Variants in ABCB1 observed in about 807,000 individuals in gnomAD.
The protein encoded by ABCB1 is ATP binding cassette subfamily B member 1, also known as ATP-dependent translocase ABCB1.
ABCB1 carries 69 observed loss-of-function variants against 142.0 expected under a neutral mutation model. The observed-to-expected ratio is 0.49, with a 90% CI of 0.40 to 0.59. The LOEUF is 0.59. Among genes scored for constraint, ABCB1 ranks in the 20% least tolerant of loss-of-function variants. The probability of loss-of-function intolerance (pLI) is 0.00; values close to 1 mark genes in which losing one functional copy is unlikely to be tolerated. For missense variants in ABCB1, 1,326 were observed against 1,554.7 expected, an observed-to-expected ratio of 0.85 and a Z score of 2.47; for synonymous variants, 532 against 539.2, an observed-to-expected ratio of 0.99 and a Z score of 0.18.
At chr7:87,561,013 C>G (rs1179436716) in intron 8 of ABCB1, among the ~76,000 whole-genome samples, 1 of 152,158 alleles carries the variant, frequency 6.6e-6, no homozygotes, top group East Asian at 1.9e-4. Context: ...GTATAAAATA[C>G]ATTTCAGTCT....
chr7:87,593,117 G>T (rs1360058323), intron 3 of ABCB1, among the ~76,000 whole-genome samples: 1 of 152,020 alleles, frequency 6.6e-6, no homozygotes, highest in Non-Finnish European at 1.5e-5. Context: ...CACATAGACA[G>T]GGTTTTGTCA....
At chr7:87,666,808 C>G (rs1199098982) in intron 1 of ABCB1, among the ~76,000 whole-genome samples, 1 of 151,964 alleles carries the variant, frequency 6.6e-6, no homozygotes, top group East Asian at 1.9e-4. Context: ...AGGTGTGTAG[C>G]CTTATTTCTG....
intron 9 of ABCB1, among the ~76,000 whole-genome samples, chr7:87,552,711 G>GAAAAA (rs68010470): frequency 7.1e-6 from 1 of 141,346 alleles, no homozygotes; most frequent in African/African-American, 2.7e-5. Context: ...AGGCAAATTT[G>GAAAAA]AAAAAAAAAG....
intron 13 of ABCB1, 117 bp downstream of exon 13, chr7:87,549,734 T>C: frequency 2.2e-6 from 3 of 1,390,846 alleles, no homozygotes; most frequent in Non-Finnish European, 3.0e-6. Context: ...GTAATCTTAC[T>C]TTCCCTTCTT....
chr7:87,527,524 T>C (rs577100491), intron 21 of ABCB1, among the ~76,000 whole-genome samples: 101 of 152,302 alleles, frequency 6.6e-4, no homozygotes, highest in Non-Finnish European at 1.1e-3. Flanking sequence ...TATCAAGCAG[T>C]TCAACTTTTT....
intron 1 of ABCB1, among the ~76,000 whole-genome samples, chr7:87,672,965 G>T (rs925234082): frequency 1.3e-5 from 2 of 152,112 alleles, no homozygotes; most frequent in African/African-American, 4.8e-5. Context: ...TGAGAGCCAT[G>T]CACACTGGCT....
rs1563081969 is a variant in ABCB1 at position 87,626,748 on chromosome 7, A to ATGTCATATATATG, written c.-330-25683_-330-25671dup. On this transcript the variant is annotated intron_variant, in intron 1 of 28. Coordinates refer to the ABCB1 transcript ENST00000265724. ...TGTGTCATATATATGTGTCATATAT[A>ATGTCATATATATG]TGTCATATATATGTCATATATATGT... 3.4e-3 allele frequency among the ~76,000 whole-genome samples: 83 copies of ATGTCATATATATG among 24,352 alleles called. 8 individuals are homozygous for ATGTCATATATATG. Among genetic ancestry groups the ATGTCATATATATG allele is most frequent in the African/African-American group, 5.8e-3 (28 of 4,852 alleles). The allele number at this position is 24,352 out of a possible 152,430, so 16.0% of individuals were successfully genotyped here. A position where few individuals can be genotyped will look rare whatever the true frequency, so the allele number is the denominator to read the frequency against.
At chr7:87,653,774 C>A (rs1823811198) in intron 1 of ABCB1, among the ~76,000 whole-genome samples, 1 of 151,842 alleles carries the variant, frequency 6.6e-6, no homozygotes, top group African/African-American at 2.4e-5. Context: ...TTTCTTTAAT[C>A]TTCTGGAACC....
chr7:87,692,161 A>G (rs1398681873), intron 1 of ABCB1, among the ~76,000 whole-genome samples: 3 of 152,100 alleles, frequency 2.0e-5, no homozygotes, highest in East Asian at 3.9e-4. Context: ...AATAACCAAC[A>G]TTATCTAGGC....
At chr7:87,630,186 A>G (rs1364527523) in intron 1 of ABCB1, among the ~76,000 whole-genome samples, 1 of 152,054 alleles carries the variant, frequency 6.6e-6, no homozygotes, top group Non-Finnish European at 1.5e-5. Flanking sequence ...ATTTCTCTGT[A>G]TTTTTCCGTT....
At chr7:87,555,641 C>G (rs1426397149) in intron 8 of ABCB1, among the ~76,000 whole-genome samples, 1 of 152,106 alleles carries the variant, frequency 6.6e-6, no homozygotes, top group African/African-American at 2.4e-5. Flanking sequence ...TTTCTACCCC[C>G]CAAAATGTAA....
chr7:87,584,558 G>C (rs1404200395), intron 4 of ABCB1, among the ~76,000 whole-genome samples: 1 of 152,170 alleles, frequency 6.6e-6, no homozygotes, highest in African/African-American at 2.4e-5. Flanking sequence ...GAGAGAGGGA[G>C]AGAGAGGAAA....
At chr7:87,547,318 G>A (rs942396466) in intron 14 of ABCB1, among the ~76,000 whole-genome samples, 38 of 151,882 alleles carry the variant, frequency 2.5e-4, no homozygotes, top group African/African-American at 7.7e-4. Context: ...AGAAAAAAGG[G>A]GTATGTGGAA....
chr7:87,679,896 C>T (rs1826755307), intron 1 of ABCB1, among the ~76,000 whole-genome samples: 1 of 150,554 alleles, frequency 6.6e-6, no homozygotes, highest in Admixed American at 6.6e-5. Flanking sequence ...TCTGAAAAAT[C>T]ACCAAATGTT....
At chr7:87,623,000 C>G (rs1207014230) in intron 1 of ABCB1, among the ~76,000 whole-genome samples, 1 of 152,114 alleles carries the variant, frequency 6.6e-6, no homozygotes, top group Non-Finnish European at 1.5e-5. Flanking sequence ...GCCATGATTA[C>G]CCACTGTACT....
At chr7:87,518,366 A>T (rs1815342121) in intron 23 of ABCB1, among the ~76,000 whole-genome samples, 1 of 152,134 alleles carries the variant, frequency 6.6e-6, no homozygotes, top group African/African-American at 2.4e-5. Flanking sequence ...CATCAATTCA[A>T]TTTTTTGGAG....
chr7:87,676,703 C>CAAA (rs57480483), intron 1 of ABCB1, among the ~76,000 whole-genome samples: 9 of 45,412 alleles, frequency 2.0e-4, no homozygotes, highest in East Asian at 6.9e-4. Context: ...GACCCTGTCT[C>CAAA]AAAAAAAAAA....
chr7:87,664,065 T>A (rs187092281), intron 1 of ABCB1, among the ~76,000 whole-genome samples: 1 of 152,288 alleles, frequency 6.6e-6, no homozygotes, highest in Non-Finnish European at 1.5e-5. Context: ...ACAGCATTTA[T>A]CAATGTGTTG....
intron 17 of ABCB1, among the ~76,000 whole-genome samples, chr7:87,543,555 G>A (rs1196113653): frequency 2.0e-5 from 3 of 152,120 alleles, no homozygotes; most frequent in African/African-American, 4.8e-5. Context: ...TAAACAGAGA[G>A]CATTCCTTTC....
Sources: allele counts gnomAD v4.1 joint callset (sites outside exome capture counted in the v4.1 genomes callset), GRCh38; gene constraint gnomAD v4.1.1; transcripts MANE v1.5; gene names NCBI Gene and HGNC (gene_info 2026-07-23, HGNC 2026-07-21).